Variants in NTRK3 observed in about 807,000 individuals in gnomAD.
NTRK3 encodes the protein NT-3 growth factor receptor.
In NTRK3, 24 loss-of-function variants were observed where a neutral mutation model predicts 91.7. The observed-to-expected ratio is 0.26, with a 90% CI of 0.19 to 0.37. NTRK3 has a LOEUF of 0.37. Among genes scored for constraint, NTRK3 ranks in the 10% least tolerant of loss-of-function variants. The probability of loss-of-function intolerance (pLI) is 1.00; values close to 1 mark genes in which losing one functional copy is unlikely to be tolerated. For missense variants in NTRK3, 880 were observed against 1,068.9 expected (o/e 0.82, Z 2.46); for synonymous variants, 483 against 404.0 (o/e 1.20, Z -2.34).
intron 15 of NTRK3, among the ~76,000 whole-genome samples, chr15:87,939,461 C>G (rs939569308): frequency 6.6e-6 from 1 of 152,206 alleles, no homozygotes; most frequent in Non-Finnish European, 1.5e-5. Flanking sequence ...CACCCAGGCT[C>G]TTTGATGCCC....
intron 14 of NTRK3, among the ~76,000 whole-genome samples, chr15:87,970,182 G>A (rs1251992191): frequency 1.3e-5 from 2 of 152,164 alleles, no homozygotes; most frequent in Non-Finnish European, 2.9e-5. Flanking sequence ...CTGGGATCCG[G>A]GTCTTCATTG....
In NTRK3 at chr15:88,249,340, T is replaced by C. The variant is rs145979508; in HGVS notation, c.248+6566A>G. Among the ~76,000 whole-genome samples, 16 of 152,306 alleles carry C rather than the reference T, an allele frequency of 1.1e-4. No individual in the cohort carries two copies. The South Asian group carries it at 2.1e-3, about 20-fold the overall frequency. On this transcript the variant is annotated intron_variant, in intron 3 of 18. Coordinates refer to ENST00000394480, the Ensembl canonical transcript of NTRK3. ...GAGCTCTGGGGCTGCCAGTCTCACA[T>C]AGTTGCTGCCTCTGGGGACCCTGAA...
intron 18 of NTRK3, among the ~76,000 whole-genome samples, chr15:87,879,294 G>A (rs2065112070): frequency 6.6e-6 from 1 of 152,102 alleles, no homozygotes; most frequent in Non-Finnish European, 1.5e-5. Flanking sequence ...GCAAACAGAA[G>A]ACCATAAAAA....
At chr15:88,158,647 C>A (rs1374048847) in intron 5 of NTRK3, among the ~76,000 whole-genome samples, 1 of 152,200 alleles carries the variant, frequency 6.6e-6, no homozygotes, top group Non-Finnish European at 1.5e-5. Flanking sequence ...GTGGGCATTG[C>A]TCCTTGGGAG....
chr15:88,206,135 G>C (rs1434795853), intron 3 of NTRK3, among the ~76,000 whole-genome samples: 1 of 150,702 alleles, frequency 6.6e-6, no homozygotes, highest in African/African-American at 2.4e-5. Flanking sequence ...GTCAGGAGAT[G>C]GAGACCATCC....
chr15:88,180,617 G>T (rs1249902708), intron 5 of NTRK3, among the ~76,000 whole-genome samples: 2 of 145,214 alleles, frequency 1.4e-5, no homozygotes, highest in South Asian at 4.7e-4. Context: ...TAGGGGCAAT[G>T]ATATCACTTC....
chr15:87,904,448 G>A (rs1173956956), intron 17 of NTRK3, among the ~76,000 whole-genome samples: 1 of 152,096 alleles, frequency 6.6e-6, no homozygotes, highest in Non-Finnish European at 1.5e-5. Flanking sequence ...GAGCCACCAC[G>A]CCCAGCCACA....
chr15:88,025,490 A>C (rs1200096094), intron 14 of NTRK3, among the ~76,000 whole-genome samples: 2 of 152,230 alleles, frequency 1.3e-5, no homozygotes, highest in Non-Finnish European at 2.9e-5. Flanking sequence ...AGTGAGGATA[A>C]GGATGGGCCC....
chr15:87,868,453 G>C (rs2064745684), exon 19 of NTRK3: 1 of 219,426 alleles, frequency 4.6e-6, no homozygotes, highest in Non-Finnish European at 9.1e-6. Flanking sequence ...TGAAAGACAA[G>C]AGGCAAGTAG....
intron 13 of NTRK3, among the ~76,000 whole-genome samples, chr15:88,089,749 T>A (rs1250148317): frequency 1.3e-5 from 2 of 152,160 alleles, no homozygotes; most frequent in African/African-American, 4.8e-5. Flanking sequence ...TCCTTCCTGC[T>A]TCCACCCTGG....
intron 3 of NTRK3, among the ~76,000 whole-genome samples, chr15:88,222,170 G>A (rs181022296): frequency 6.6e-6 from 1 of 152,252 alleles, no homozygotes; most frequent in African/African-American, 2.4e-5. Flanking sequence ...GAGATTCTCT[G>A]TGACACGGGC....
At chr15:87,872,928 C>T (rs2064860547) in exon 19 of NTRK3, 1 of 233,048 alleles carries the variant, frequency 4.3e-6, no homozygotes, top group Non-Finnish European at 8.5e-6. Flanking sequence ...CTGATTTGGC[C>T]AAGGCCACGT....
intron 13 of NTRK3, among the ~76,000 whole-genome samples, chr15:88,066,970 C>A (rs2046702726): frequency 6.6e-6 from 1 of 152,212 alleles, no homozygotes; most frequent in Non-Finnish European, 1.5e-5. Flanking sequence ...CACATTCCTG[C>A]ATCAACTTAA....
chr15:87,907,587 C>T (rs113170265), intron 17 of NTRK3, among the ~76,000 whole-genome samples: 2,721 of 152,176 alleles, frequency 0.018, 73 homozygotes, highest in African/African-American at 0.056. Context: ...AACTACCGCA[C>T]GCCCTGTCAG....
intron 14 of NTRK3, among the ~76,000 whole-genome samples, chr15:88,019,690 AC>A (rs2141870129): frequency 6.6e-6 from 1 of 152,328 alleles, no homozygotes; most frequent in African/African-American, 2.4e-5. Context: ...ATCTGCTGCA[AC>A]CATTTTGTAG....
intron 14 of NTRK3, among the ~76,000 whole-genome samples, chr15:87,983,401 C>A (rs905680251): frequency 1.9e-4 from 29 of 152,148 alleles, no homozygotes; most frequent in Non-Finnish European, 4.0e-4. Context: ...AACCCCATTG[C>A]AGGTAGGCAT....
chr15:88,093,963 A>G (rs2049297837), intron 13 of NTRK3, among the ~76,000 whole-genome samples: 1 of 152,164 alleles, frequency 6.6e-6, no homozygotes, highest in African/African-American at 2.4e-5. Flanking sequence ...GGGAGGGCAA[A>G]CAGCCTCAGC....
chr15:88,004,776 A>T (rs1007690909), intron 14 of NTRK3, among the ~76,000 whole-genome samples: 2 of 152,174 alleles, frequency 1.3e-5, no homozygotes, highest in African/African-American at 4.8e-5. Context: ...CTCACCCTTG[A>T]AAAAGTGGGG....
chr15:87,969,664 G>T (rs2073098714), intron 14 of NTRK3, among the ~76,000 whole-genome samples: 1 of 152,082 alleles, frequency 6.6e-6, no homozygotes, highest in Non-Finnish European at 1.5e-5. Flanking sequence ...GAAGGATTCT[G>T]CTGTGTCCCT....
Sources: gnomAD v4.1 joint callset for allele counts (sites outside exome capture counted in the v4.1 genomes callset) on GRCh38, gnomAD v4.1.1 for gene constraint, MANE v1.5 for transcripts, NCBI Gene and HGNC (gene_info 2026-07-23, HGNC 2026-07-21) for gene names.